The following EEF1E1 variants were observed in gnomAD, a reference collection of about 807,000 sequenced individuals.
EEF1E1 encodes the protein eukaryotic translation elongation factor 1 epsilon 1, also known as eukaryotic translation elongation factor 1 epsilon-1.
A neutral mutation model predicts 19.9 loss-of-function variants in EEF1E1; 19 were observed. The observed-to-expected ratio is 0.95, with a 90% confidence interval of 0.66 to 1.40. The LOEUF is 1.40. EEF1E1 is among the 40% of genes most tolerant of loss of function. The pLI is 0.00. For missense variants in EEF1E1, 198 were observed against 202.2 expected (o/e 0.98, Z 0.13); for synonymous variants, 81 against 80.0 (o/e 1.01, Z -0.07).
At chr6:8,095,906 CAG>C (rs1758159784) in intron 2 of EEF1E1, among the ~76,000 whole-genome samples, 1 of 152,186 alleles carries the variant, frequency 6.6e-6, no homozygotes. Flanking sequence ...TCTATAAGGG[CAG>C]AAACTGTGTC....
chr6:8,075,269 TAC>T (rs1433953025), downstream of EEF1E1, among the ~76,000 whole-genome samples: 2 of 152,220 alleles, frequency 1.3e-5, no homozygotes, highest in East Asian at 3.8e-4. Flanking sequence ...AATACAAATT[TAC>T]AGTTTTTAAT....
At chr6:8,093,173 A>C (rs915575081) in intron 2 of EEF1E1, among the ~76,000 whole-genome samples, 1 of 151,968 alleles carries the variant, frequency 6.6e-6, no homozygotes, top group African/African-American at 2.4e-5. Context: ...TGCCCGGCCA[A>C]GACTCTTAAA....
In EEF1E1 at chr6:8,099,968, A is replaced by C. The variant is rs80261197; in HGVS notation, c.87+2467T>G. Among the ~76,000 whole-genome samples the C allele has an allele frequency of 1.1e-4, 4 of 36,394 alleles. No individual in the cohort carries two copies. The East Asian group carries it at 2.2e-3, about 20-fold the overall frequency. The allele number at this position is 36,394 out of a possible 152,430, so 23.9% of individuals were successfully genotyped here. On this transcript the variant is annotated intron_variant, in intron 1 of 3. Coordinates refer to ENST00000379715, the MANE Select transcript of EEF1E1 (RefSeq NM_004280.5). ...GATCTCTGAACTGCTTTCAATTTTT[A>C]AACTATGATTGGTAATGTTGCAGAG...
intron 2 of EEF1E1, among the ~76,000 whole-genome samples, chr6:8,090,607 T>C (rs1170086921): frequency 6.8e-6 from 1 of 146,734 alleles, no homozygotes; most frequent in Non-Finnish European, 1.5e-5. Context: ...GTTACACTTA[T>C]TTTTTCCATT....
chr6:8,092,977 C>A (rs968793825), intron 2 of EEF1E1, among the ~76,000 whole-genome samples: 5 of 144,188 alleles, frequency 3.5e-5, no homozygotes, highest in African/African-American at 1.3e-4. Context: ...AGGGTTCAAG[C>A]GATTCTCCTG....
At chr6:8,099,294 A>G (rs1012496821) in intron 1 of EEF1E1, among the ~76,000 whole-genome samples, 2 of 152,290 alleles carry the variant, frequency 1.3e-5, no homozygotes, top group South Asian at 4.1e-4. Flanking sequence ...TACCTTTTCT[A>G]TGTTTCAGTA....
chr6:8,097,212 A>C, intron 2 of EEF1E1, 55 bp downstream of exon 2: 38 of 1,522,444 alleles, frequency 2.5e-5, no homozygotes, highest in Middle Eastern at 1.7e-4. Flanking sequence ...CTCAGGGGAA[A>C]GAGATTTCTG....
rs1241935753 is a variant in EEF1E1, at chr6:8,099,782, ACACAC to A, written c.88-2320_88-2316del. Among the ~76,000 whole-genome samples, 105 of 121,644 alleles carry A rather than the reference ACACAC, an allele frequency of 8.6e-4. 3 individuals carry two copies. The highest frequency in any genetic ancestry group is 3.1e-3 in the African/African-American group (87 of 28,058). 79.8% of individuals were successfully genotyped at this position (121,644 alleles called of 152,430 possible). A position where few individuals can be genotyped will look rare whatever the true frequency, so the allele number is the denominator to read the frequency against. On this transcript the variant is annotated intron_variant, in intron 1 of 3. Transcript: ENST00000379715. ...CACACACACACACACACACACACAC[ACACAC>A]ACACAAAAAAAAAACAGAACCCTCT...
intron 2 of EEF1E1, among the ~76,000 whole-genome samples, chr6:8,094,394 C>T (rs1365548510): frequency 6.6e-6 from 1 of 151,534 alleles, no homozygotes; most frequent in Non-Finnish European, 1.5e-5. Flanking sequence ...GTTAGGAATT[C>T]GAGATCAGCC....
rs978490856 is a variant in EEF1E1, at chr6:8,093,012, C to T, written c.289-2731G>A. On this transcript the variant is annotated intron_variant, in intron 2 of 3. Coordinates refer to ENST00000379715, the MANE Select transcript of EEF1E1 (RefSeq NM_004280.5). ...GCCTCAGCCTCCTGAGTAGCTGGGA[C>T]TACAGGCACACAACATGACTGGCTA... Among the ~76,000 whole-genome samples, 4 of 151,282 alleles carry T rather than the reference C, an allele frequency of 2.6e-5. No homozygotes were observed. In the East Asian group the frequency reaches 5.9e-4, roughly 22 times the overall value.
chr6:8,093,318 C>T (rs200494760), intron 2 of EEF1E1, among the ~76,000 whole-genome samples: 147 of 123,236 alleles, frequency 1.2e-3, no homozygotes, highest in African/African-American at 4.1e-3. Flanking sequence ...GTCTGACATT[C>T]GCTTCCTTTT....
rs1757688773 is a variant in EEF1E1, at chr6:8,080,049, CAT to C, written c.385-21_385-20del. On this transcript the variant is annotated intron_variant, in intron 3 of 3. Transcript: ENST00000379715. Reference sequence around the variant, plus strand: ...GGTCAACCTAAGTAGAGATTAAAAACATACACACACAACACAGATGTTACATA... The same window carrying C: ...GGTCAACCTAAGTAGAGATTAAAAACACACACACAACACAGATGTTACATA... The C allele has an allele frequency of 1.2e-6, 2 of 1,611,422 alleles. No individual in the cohort carries two copies. The highest frequency in any genetic ancestry group is 4.5e-5 in the East Asian group (2 of 44,806).
intron 3 of EEF1E1, 28 bp from the exon 4 acceptor site, chr6:8,080,058 A>G: frequency 6.2e-7 from 1 of 1,610,380 alleles, no homozygotes; most frequent in South Asian, 1.1e-5. Context: ...ACATACACAC[A>G]CAACACAGAT....
chr6:8,086,524 G>A (rs1253582975), intron 3 of EEF1E1, among the ~76,000 whole-genome samples: 1 of 152,112 alleles, frequency 6.6e-6, no homozygotes, highest in Non-Finnish European at 1.5e-5. Flanking sequence ...TGGGGCCTGC[G>A]CAGACCTCAA....
chr6:8,092,614 T>C lies in EEF1E1; in HGVS notation c.289-2333A>G, dbSNP rs147261162. ...ATTTGGCTGGAAAGGGTAGAATGTA[T>C]TGGTATATTAGGGACTACCACTTAA... On this transcript the variant is annotated intron_variant, in intron 2 of 3. Transcript: ENST00000379715. Among the ~76,000 whole-genome samples, 235 of 152,278 alleles carry C rather than the reference T, an allele frequency of 1.5e-3. 1 individual carries two copies. Among genetic ancestry groups the C allele is most frequent in the African/African-American group, 5.4e-3 (226 of 41,556 alleles).
At position 8,097,460 on chromosome 6, in the gene EEF1E1, A is replaced by C. The variant is rs1407715727; in HGVS notation, c.95T>G (p.Val32Gly). ...YSAQGERQIP[V>G]LQTNNGPSLT... ...ACTTGGACCATTGTTTGTCTGAAGA[A>C]CTGGAATCTTAAAAAGAAAAAAAAG... is the stretch of plus-strand genomic sequence containing the variant. The change falls in exon 2 of 4, where the codon GTT (valine) becomes GGT (glycine). Residue 32 changes from valine (V) to glycine (G), a missense_variant. Coordinates refer to ENST00000379715, the MANE Select transcript of EEF1E1 (RefSeq NM_004280.5). 1 of 1,612,022 alleles carries C rather than the reference A, an allele frequency of 6.2e-7. No individual in the cohort carries two copies. The highest frequency in any genetic ancestry group is 1.7e-5 in the Admixed American group (1 of 59,728).
intron 1 of EEF1E1, chr6:8,101,878 T>A (rs1363429706): frequency 7.9e-7 from 1 of 1,269,280 alleles, no homozygotes; most frequent in Non-Finnish European, 1.0e-6. Context: ...TTAGGTGTTC[T>A]CTCTGCCATT....
chr6:8,092,869 CTT>C lies in EEF1E1; in HGVS notation c.289-2590_289-2589del, dbSNP rs942764776. On this transcript the variant is annotated intron_variant, in intron 2 of 3. Transcript: ENST00000379715. The stretch of plus-strand genomic sequence containing the variant: ...TTTTGTGTTTTAGTGATAAAGACTG[CTT>C]TTTTTTTTTTTTTTTTTTTTTGAGA... Among the ~76,000 whole-genome samples the C allele has an allele frequency of 4.3e-5, 4 of 93,772 alleles. No homozygotes were observed. The East Asian group carries it at 1.8e-3, about 42-fold the overall frequency. The allele number at this position is 93,772 out of a possible 152,430, so 61.5% of individuals were successfully genotyped here. A position where few individuals can be genotyped will look rare whatever the true frequency, so the allele number is the denominator to read the frequency against.
chr6:8,099,884 G>A (rs1177947570), intron 1 of EEF1E1, among the ~76,000 whole-genome samples: 2 of 151,168 alleles, frequency 1.3e-5, no homozygotes, highest in Non-Finnish European at 2.9e-5. Context: ...TAAATAACAC[G>A]TGACTGTATG....
Sources: gnomAD v4.1 joint callset for allele counts (sites outside exome capture counted in the v4.1 genomes callset) on GRCh38, gnomAD v4.1.1 for gene constraint, MANE v1.5 for transcripts, NCBI Gene and HGNC (gene_info 2026-07-23, HGNC 2026-07-21) for gene names.